The following TAGAP variants were observed in gnomAD, a reference collection of about 807,000 sequenced individuals.
TAGAP encodes the protein T cell activation RhoGTPase activating protein.
TAGAP carries 16 observed loss-of-function variants against 36.0 expected under a neutral mutation model. The ratio of observed to expected loss-of-function variants is 0.44; its 90% confidence interval spans 0.30 to 0.68. TAGAP has a LOEUF of 0.68. Ranked by LOEUF, TAGAP falls within the 30% of genes least tolerant of loss-of-function variation. The pLI is 0.09. For synonymous variants in TAGAP, 372 were observed against 377.4 expected (o/e 0.99, Z 0.17); for missense variants, 794 against 921.5 (o/e 0.86, Z 1.79).
In TAGAP at chr6:159,038,220, T is replaced by C; in HGVS notation, c.792A>G (p.Thr264=). 2 of 1,573,484 alleles carry C rather than the reference T, an allele frequency of 1.3e-6. No individual in the cohort carries two copies. The highest frequency in any genetic ancestry group is 1.7e-6 in the Non-Finnish European group (2 of 1,147,524). The change falls in exon 9 of 10, where the codon ACA becomes ACG. Residue 264 remains threonine (T), a synonymous_variant. Coordinates refer to ENST00000367066, the MANE Select transcript of TAGAP (RefSeq NM_054114.5). ...AGTTATCAATGAGGAATTCCACCAG[T>C]GTCTTCACCTGTGAGGAAAAGTAAG... is the stretch of plus-strand genomic sequence containing the variant. ...AQKDLNNKVK[T]LVEFLIDNCF...
rs761171144 is a variant in TAGAP at position 159,042,107 on chromosome 6, C to T, written c.286G>A (p.Asp96Asn). Residue 96 changes from aspartate to asparagine, a missense_variant, in exon 5 of 10, where the codon GAC becomes AAC. By Grantham distance (23) the Asp-to-Asn change is conservative. Transcript: ENST00000367066. ...ATGGGTCTGGGGAGTGTGTCACTGT[C>T]ACCGCAGATAATTGACAAGGGCTGA... Reference protein sequence around the residue: ...FDQPLSIICGDSDTLPRPIQD... With the variant: ...FDQPLSIICGNSDTLPRPIQD... 6.2e-7 allele frequency: 1 copy of T among 1,614,132 alleles called. No individual in the cohort carries two copies. Among genetic ancestry groups the T allele is most frequent in the East Asian group, 2.2e-5 (1 of 44,880 alleles).
Position 159,037,096 on chromosome 6 carries a change from G to C in TAGAP, c.927C>G (p.Ala309=). 6.2e-7 allele frequency: 1 copy of C among 1,611,644 alleles called. No individual in the cohort carries two copies. The highest frequency in any genetic ancestry group is 8.5e-7 in the Non-Finnish European group (1 of 1,180,006). ...SDVSTLQNDS[A]YDSNDPDVES... ...CCACATCAGGGTCGTTGCTGTCGTAGGCTGAGTCATTCTGCAGGGTCGACA... is the reference window on the plus strand; with the variant it reads ...CCACATCAGGGTCGTTGCTGTCGTACGCTGAGTCATTCTGCAGGGTCGACA... Residue 309 remains alanine (A), a synonymous_variant, in exon 10 of 10, where the codon GCC becomes GCG. Coordinates refer to ENST00000367066, the MANE Select transcript of TAGAP (RefSeq NM_054114.5). The surrounding 1 kb of genome is among the most constrained non-coding windows in gnomAD (Gnocchi z 5.1).
At chr6:159,043,506 G>T in intron 4 of TAGAP, 83 bp downstream of exon 4, 1 of 1,309,286 alleles carries the variant, frequency 7.6e-7, no homozygotes, top group Non-Finnish European at 1.1e-6. Context: ...ATTCCTAGTA[G>T]AGTAAAAGCG....
chr6:159,039,919 CAGA>C (rs1209827208), intron 7 of TAGAP, among the ~76,000 whole-genome samples: 5 of 152,154 alleles, frequency 3.3e-5, no homozygotes, highest in African/African-American at 1.2e-4. Context: ...TTTCATTTCT[CAGA>C]AGAAGGAATT....
At position 159,036,258 on chromosome 6, in the gene TAGAP, T is replaced by C. The variant is rs1465813548; in HGVS notation, c.1765A>G (p.Arg589Gly). 1.9e-6 allele frequency: 3 copies of C among 1,612,500 alleles called. No individual in the cohort carries two copies. Among genetic ancestry groups the C allele is most frequent in the Non-Finnish European group, 2.5e-6 (3 of 1,179,944 alleles). ...DDVFQGADWE[R>G]PGSPPSYEEA... ...TCATAAGAGGGTGGGCTTCCAGGCCTCTCCCAGTCAGCTCCCTGGAACACA... is the reference window on the plus strand; with the variant it reads ...TCATAAGAGGGTGGGCTTCCAGGCCCCTCCCAGTCAGCTCCCTGGAACACA... The change falls in exon 10 of 10, where the codon AGG becomes GGG. Residue 589 changes from arginine to glycine, a missense_variant. Physicochemically the swap from Arg to Gly is moderately radical, Grantham distance 125. Transcript: ENST00000367066. This position sits in a 1 kb window ranked among gnomAD's most constrained non-coding sequence, Gnocchi z 4.9.
intron 4 of TAGAP, 171 bp from the exon 5 acceptor site, chr6:159,042,415 A>C (rs1241562814): frequency 1.4e-6 from 2 of 1,394,282 alleles, no homozygotes; most frequent in Middle Eastern, 2.7e-4. Context: ...CTTAATCTAG[A>C]AAAACCAACC....
intron 4 of TAGAP, chr6:159,043,062 A>G (rs1779814566): frequency 6.5e-6 from 1 of 152,794 alleles, no homozygotes; most frequent in Admixed American, 6.5e-5. Flanking sequence ...ATGCATTGGC[A>G]TCTGTTTCTA....
chr6:159,038,494 T>C (rs1779631880), intron 8 of TAGAP, among the ~76,000 whole-genome samples: 1 of 151,850 alleles, frequency 6.6e-6, no homozygotes, highest in Admixed American at 6.6e-5. Context: ...GCTCAAGCGA[T>C]TCTCCCGCCT....
chr6:159,038,262 A>AT, intron 8 of TAGAP, 34 bp from the exon 9 acceptor site: 9 of 1,012,468 alleles, frequency 8.9e-6, no homozygotes, highest in Non-Finnish European at 1.3e-5. Flanking sequence ...GTCAGCTTGA[A>AT]GACTTTTTTT....
chr6:159,036,961 G>T lies in TAGAP; in HGVS notation c.1062C>A (p.Ser354Arg). 1 of 1,613,848 alleles carries T rather than the reference G, an allele frequency of 6.2e-7. No individual in the cohort carries two copies. The highest frequency in any genetic ancestry group is 8.5e-7 in the Non-Finnish European group (1 of 1,179,888). ...CCACGGTGCTCACAATGGGCTCTGG[G>T]CTGACCTCTCGGGCATCCTGTGGGC... is the stretch of plus-strand genomic sequence containing the variant. Reference protein sequence around the residue: ...SAGPQDAREVSPEPIVSTVAR... With the variant: ...SAGPQDAREVRPEPIVSTVAR... Residue 354 changes from serine to arginine, a missense_variant, in exon 10 of 10, where the codon AGC becomes AGA. Transcript: ENST00000367066. This position sits in a 1 kb window ranked among gnomAD's most constrained non-coding sequence, Gnocchi z 4.9.
Position 159,041,458 on chromosome 6 carries a change from C to T in TAGAP, c.373G>A (p.Ala125Thr). The T allele has an allele frequency of 6.2e-7, 1 of 1,614,192 alleles. No individual in the cohort carries two copies. The highest frequency in any genetic ancestry group is 8.5e-7 in the Non-Finnish European group (1 of 1,180,026). The change falls in exon 6 of 10, where the codon GCA becomes ACA. Residue 125 changes from alanine to threonine, a missense_variant. Coordinates refer to ENST00000367066, the MANE Select transcript of TAGAP (RefSeq NM_054114.5). This position sits in a 1 kb window ranked among gnomAD's most constrained non-coding sequence, Gnocchi z 4.1. Reference protein sequence around the residue: ...GPSTEGIFRRAANEKARKELK... With the variant: ...GPSTEGIFRRTANEKARKELK... ...TCCTTACGGGCTTTCTCGTTGGCTG[C>T]TCTCCTGAATATCCCTTCCGTTGAA...
At position 159,036,003 on chromosome 6, in the gene TAGAP, G is replaced by T; in HGVS notation, c.2020C>A (p.His674Asn). Residue 674 changes from histidine (H) to asparagine (N), a missense_variant, in exon 10 of 10, where the codon CAT becomes AAT. Transcript: ENST00000367066. This position sits in a 1 kb window ranked among gnomAD's most constrained non-coding sequence, Gnocchi z 4.9. Reference sequence around the variant, plus strand: ...TGCCCCAGAGAGTCCCCAGAAGCATGGACAGTTCTGCTCTGTTTCCATCGC... The same window carrying T: ...TGCCCCAGAGAGTCCCCAGAAGCATTGACAGTTCTGCTCTGTTTCCATCGC... ...PERWKQSRTVHASGDSLGHVS... is the reference protein window; with the variant it reads ...PERWKQSRTVNASGDSLGHVS... The T allele has an allele frequency of 1.9e-6, 3 of 1,613,860 alleles. No homozygotes were observed. Among genetic ancestry groups the T allele is most frequent in the Non-Finnish European group, 2.5e-6 (3 of 1,179,770 alleles).
rs747755989 is a variant in TAGAP, at chr6:159,043,571, T to A, written c.148+18A>T. 2 of 1,612,932 alleles carry A rather than the reference T, an allele frequency of 1.2e-6. No homozygotes were observed. Among genetic ancestry groups the A allele is most frequent in the Non-Finnish European group, 1.7e-6 (2 of 1,178,938 alleles). ...TGTTAGCACTTACATAAAAGATCGG[T>A]ATGTTTTTAAAACTCACCAATGAGC... On this transcript the variant is annotated intron_variant, in intron 4 of 9. Coordinates refer to ENST00000367066, the MANE Select transcript of TAGAP (RefSeq NM_054114.5).
At position 159,035,891 on chromosome 6, in the gene TAGAP, C is replaced by T. The variant is rs775898458; in HGVS notation, c.2132G>A (p.Arg711Gln). 28 of 1,612,172 alleles carry T rather than the reference C, an allele frequency of 1.7e-5. No individual in the cohort carries two copies. Among genetic ancestry groups the T allele is most frequent in the East Asian group, 2.2e-5 (1 of 44,820 alleles). ...CTCAAAGACCGGCTGGCTACATCGT[C>T]GCACGAGACAGTCCCGCTTATTCCT... ...VQRNKRDCLV[R>Q]RCSQPVFEAD... The change falls in exon 10 of 10, where the codon CGA becomes CAA. Residue 711 changes from arginine (R) to glutamine (Q), a missense_variant. Physicochemically the swap from Arg to Gln is conservative, Grantham distance 43. Transcript: ENST00000367066.
In TAGAP at chr6:159,034,848, A is replaced by C. The variant is rs985271727; in HGVS notation, c.*979T>G. 3 of 152,284 alleles carry C rather than the reference A, an allele frequency of 2.0e-5. No individual in the cohort carries two copies. Among genetic ancestry groups the C allele is most frequent in the African/African-American group, 7.2e-5 (3 of 41,462 alleles). 9.4% of individuals were successfully genotyped at this position (152,284 alleles called of 1,614,324 possible). On this transcript the variant is annotated 3_prime_UTR_variant, in exon 10 of 10. Transcript: ENST00000367066. The stretch of plus-strand genomic sequence containing the variant: ...GAACAGGGACTGCTTCTTCCTAAAC[A>C]AGATCCCCGGTCTTGCTATTAGTCT...
Position 159,041,343 on chromosome 6 carries a change from G to A in TAGAP, c.477+11C>T, listed in dbSNP as rs753162164. 3 of 1,612,386 alleles carry A rather than the reference G, an allele frequency of 1.9e-6. No individual in the cohort carries two copies. The highest frequency in any genetic ancestry group is 2.5e-6 in the Non-Finnish European group (3 of 1,179,610). On this transcript the variant is annotated intron_variant, in intron 6 of 9. Transcript: ENST00000367066. This position sits in a 1 kb window ranked among gnomAD's most constrained non-coding sequence, Gnocchi z 4.1. ...TTGGCAGGTTATTTGGCGCAAGTGT[G>A]TTGAACTCACCTTAAAGACCACAGC...
chr6:159,043,540 A>G, intron 4 of TAGAP, 49 bp downstream of exon 4: 1 of 1,574,042 alleles, frequency 6.4e-7, no homozygotes, highest in Non-Finnish European at 8.7e-7. Flanking sequence ...AACCAAGAGC[A>G]CTGGTTGTTA....
chr6:159,039,146 A>G lies in TAGAP; in HGVS notation c.751T>C (p.Ser251Pro). Residue 251 changes from serine (S) to proline (P), a missense_variant, in exon 8 of 10, where the codon TCA becomes CCA. By Grantham distance (74) the Ser-to-Pro change is moderately conservative (BLOSUM62 -1). Transcript: ENST00000367066. The part of the protein sequence containing the change: ...MLTLENDQSL[S>P]FEAQKDLNNK... ...TTCAGGTCCTTCTGGGCTTCAAATG[A>G]CAGGCTCTGGTCATTCTCCAGGGTG... The G allele has an allele frequency of 6.2e-7, 1 of 1,614,190 alleles. No homozygotes were observed. Among genetic ancestry groups the G allele is most frequent in the Non-Finnish European group, 8.5e-7 (1 of 1,180,028 alleles).
Position 159,036,363 on chromosome 6 carries a change from C to G in TAGAP, c.1660G>C (p.Val554Leu). ...TGGGTTTCACACCCATTTTCCTGCA[C>G]GATTCGGCCGGCAAGCTGGCTTTCC... ...RKESQLAGRIVQENGCETHNQ... is the reference protein window; with the variant it reads ...RKESQLAGRILQENGCETHNQ... Residue 554 changes from valine (V) to leucine (L), a missense_variant, in exon 10 of 10, where the codon GTG becomes CTG. Val to Leu is a conservative substitution (Grantham distance 32). Transcript: ENST00000367066. This position sits in a 1 kb window ranked among gnomAD's most constrained non-coding sequence, Gnocchi z 4.9. 1 of 1,614,000 alleles carries G rather than the reference C, an allele frequency of 6.2e-7. No individual in the cohort carries two copies. The highest frequency in any genetic ancestry group is 8.5e-7 in the Non-Finnish European group (1 of 1,179,990).
Sources: allele counts gnomAD v4.1 joint callset (sites outside exome capture counted in the v4.1 genomes callset), GRCh38; gene constraint gnomAD v4.1.1; non-coding constraint Gnocchi (gnomAD v3.1); transcripts MANE v1.5; gene names NCBI Gene and HGNC (gene_info 2026-07-23, HGNC 2026-07-21).